The following FOXP1 variants were observed in gnomAD, a reference collection of about 807,000 sequenced individuals.
FOXP1 encodes the protein forkhead box P1.
Under a neutral mutation model 98.2 loss-of-function variants are expected in FOXP1, and 15 were observed. The observed-to-expected ratio is 0.15, with a 90% CI of 0.10 to 0.24. The LOEUF (loss-of-function observed/expected upper bound fraction) is 0.24, where lower values mean the gene tolerates loss of function less well. Among genes scored for constraint, FOXP1 ranks in the 10% least tolerant of loss-of-function variants. The pLI, the probability that FOXP1 is intolerant of heterozygous loss-of-function variation, is 1.00. For missense variants in FOXP1, 633 were observed against 848.5 expected, an observed-to-expected ratio of 0.75 and a Z score of 3.15; for synonymous variants, 371 against 314.5, an observed-to-expected ratio of 1.18 and a Z score of -1.90.
chr3:71,286,097 T>C (rs1048136775), intron 5 of FOXP1, among the ~76,000 whole-genome samples: 2 of 152,240 alleles, frequency 1.3e-5, no homozygotes, highest in African/African-American at 2.4e-5. Flanking sequence ...TGTTACCTAA[T>C]GTCAGTCACT....
chr3:70,971,091 G>C, intron 18 of FOXP1: 1 of 410,096 alleles, frequency 2.4e-6, no homozygotes, highest in Non-Finnish European at 4.6e-6. Context: ...AGATTTTTAG[G>C]AGTTAGCCTG....
intron 5 of FOXP1, among the ~76,000 whole-genome samples, chr3:71,238,925 A>G (rs1354874024): frequency 6.6e-6 from 1 of 152,180 alleles, no homozygotes; most frequent in East Asian, 1.9e-4. Flanking sequence ...TTCTCATTTG[A>G]TTTCTTTCTT....
chr3:71,104,700 C>G (rs777331072), intron 7 of FOXP1, among the ~76,000 whole-genome samples: 23 of 152,100 alleles, frequency 1.5e-4, no homozygotes, highest in Non-Finnish European at 3.1e-4. Flanking sequence ...CCTCAGGAAA[C>G]CCATCCACAA....
At chr3:70,960,920 C>CAG (rs2106898427) in intron 20 of FOXP1, among the ~76,000 whole-genome samples, 1 of 149,324 alleles carries the variant, frequency 6.7e-6, no homozygotes, top group South Asian at 2.1e-4. Flanking sequence ...TGGCTCACTG[C>CAG]AAGCTCCGCC....
intron 6 of FOXP1, among the ~76,000 whole-genome samples, chr3:71,171,883 T>G (rs1054849111): frequency 6.6e-6 from 1 of 152,266 alleles, no homozygotes; most frequent in African/African-American, 2.4e-5. Context: ...GCTCTTCATT[T>G]ACATTTTTCT....
At chr3:71,476,927 A>G (rs2089899607) in intron 3 of FOXP1, among the ~76,000 whole-genome samples, 1 of 152,218 alleles carries the variant, frequency 6.6e-6, no homozygotes, top group Non-Finnish European at 1.5e-5. Flanking sequence ...AGCTTTAATA[A>G]TCTGTTTCAT....
chr3:71,137,592 C>G (rs965617335), intron 6 of FOXP1, among the ~76,000 whole-genome samples: 2 of 151,972 alleles, frequency 1.3e-5, no homozygotes, highest in African/African-American at 4.8e-5. Flanking sequence ...TTTGTGGCTC[C>G]AGTTTGGGAG....
chr3:70,997,652 G>A (rs778829369), intron 13 of FOXP1, among the ~76,000 whole-genome samples: 4 of 152,138 alleles, frequency 2.6e-5, no homozygotes, highest in Non-Finnish European at 4.4e-5. Context: ...TAAATTTCTG[G>A]TGTTCTCAAG....
intron 4 of FOXP1, among the ~76,000 whole-genome samples, chr3:71,343,901 T>C (rs946396085): frequency 6.6e-6 from 1 of 152,192 alleles, no homozygotes; most frequent in African/African-American, 2.4e-5. Context: ...TTTCCAAACC[T>C]ACTGGTGTCA....
At chr3:71,043,499 C>A (rs1285960419) in intron 10 of FOXP1, among the ~76,000 whole-genome samples, 2 of 152,102 alleles carry the variant, frequency 1.3e-5, no homozygotes, top group Non-Finnish European at 1.5e-5. Context: ...GTCTGCACAC[C>A]AACAATTACC....
chr3:71,157,540 T>A (rs998404383), intron 6 of FOXP1, among the ~76,000 whole-genome samples: 14 of 152,324 alleles, frequency 9.2e-5, no homozygotes, highest in African/African-American at 3.1e-4. Context: ...GAGATTTATA[T>A]AACTTTTAGA....
chr3:71,250,328 T>C (rs2068082944), intron 5 of FOXP1, among the ~76,000 whole-genome samples: 1 of 152,234 alleles, frequency 6.6e-6, no homozygotes, highest in South Asian at 2.1e-4. Flanking sequence ...AACGGAAATG[T>C]TCTATGCCTA....
At position 70,957,012 on chromosome 3, in the gene FOXP1, TAAAC is replaced by T. The variant is rs1255751739; in HGVS notation, c.*2231_*2234del. 4.5e-5 allele frequency: 10 copies of T among 222,132 alleles called. No individual in the cohort carries two copies. The highest frequency in any genetic ancestry group is 3.3e-4 in the East Asian group (5 of 15,068). The allele number at this position is 222,132 out of a possible 1,614,324, so 13.8% of individuals were successfully genotyped here. On this transcript the variant is annotated 3_prime_UTR_variant, in exon 21 of 21. Coordinates refer to ENST00000649528, the MANE Select transcript of FOXP1 (RefSeq NM_001349338.3). ...AATACAGTGATCACAGCACAGTTCT[TAAAC>T]AAAAGTGGCATACAATCTAAAAATA...
chr3:71,253,079 G>T lies in FOXP1; in HGVS notation c.-12+46741C>A, dbSNP rs1359097674. Among the ~76,000 whole-genome samples the T allele has an allele frequency of 2.0e-5, 3 of 152,186 alleles. No individual in the cohort carries two copies. In the East Asian group the frequency reaches 5.8e-4, roughly 29 times the overall value. Reference sequence around the variant, plus strand: ...GTTTCCAGGTACTGGGCCAAGTGGGGCATGGCCTGATGCATATAGTGCCTC... The same window carrying T: ...GTTTCCAGGTACTGGGCCAAGTGGGTCATGGCCTGATGCATATAGTGCCTC... On this transcript the variant is annotated intron_variant, in intron 5 of 20. Transcript: ENST00000649528.
intron 4 of FOXP1, among the ~76,000 whole-genome samples, chr3:71,338,643 A>G (rs1577040330): frequency 6.6e-6 from 1 of 151,974 alleles, no homozygotes; most frequent in Non-Finnish European, 1.5e-5. Context: ...TTAAGCCAGG[A>G]TGGTCTCGAA....
intron 5 of FOXP1, among the ~76,000 whole-genome samples, chr3:71,278,909 G>C (rs2071206824): frequency 6.6e-6 from 1 of 151,126 alleles, no homozygotes. Flanking sequence ...ACAGGAATTG[G>C]GGCCGGGCAT....
chr3:71,443,926 C>T (rs56238933), intron 3 of FOXP1, among the ~76,000 whole-genome samples: 97,670 of 151,882 alleles, frequency 0.64, 32,995 homozygotes, highest in Non-Finnish European at 0.74. Flanking sequence ...TCTATGAGAC[C>T]CCCAAAGGCA....
chr3:71,393,928 C>G (rs990697247), intron 3 of FOXP1, among the ~76,000 whole-genome samples: 1 of 152,142 alleles, frequency 6.6e-6, no homozygotes, highest in East Asian at 1.9e-4. Flanking sequence ...CTCCTGGGCT[C>G]AAGTGATCCT....
At chr3:71,297,080 G>A (rs945728694) in intron 5 of FOXP1, among the ~76,000 whole-genome samples, 10 of 151,934 alleles carry the variant, frequency 6.6e-5, no homozygotes. Context: ...CCAAACAGAC[G>A]AAGACAATGT....
Sources: allele counts gnomAD v4.1 joint callset (sites outside exome capture counted in the v4.1 genomes callset), GRCh38; gene constraint gnomAD v4.1.1; transcripts MANE v1.5; gene names NCBI Gene and HGNC (gene_info 2026-07-23, HGNC 2026-07-21).